RNF149: variants seen among roughly 807,000 people sequenced by gnomAD.
The protein encoded by RNF149 is ring finger protein 149, also known as E3 ubiquitin-protein ligase RNF149.
A neutral mutation model predicts 39.0 loss-of-function variants in RNF149; 21 were observed. The observed-to-expected ratio is 0.54, with a 90% confidence interval of 0.38 to 0.77. The LOEUF (loss-of-function observed/expected upper bound fraction) is 0.77. RNF149 is among the 30% of genes least tolerant of loss of function. RNF149 has a pLI of 0.00. For missense variants in RNF149, 493 were observed against 534.9 expected (o/e 0.92, Z 0.77); for synonymous variants, 209 against 213.6 (o/e 0.98, Z 0.19).
At chr2:101,300,643 G>A (rs1210393592) in intron 1 of RNF149, among the ~76,000 whole-genome samples, 1 of 152,170 alleles carries the variant, frequency 6.6e-6, no homozygotes, top group Non-Finnish European at 1.5e-5. Context: ...GCAAAACCCT[G>A]TCTCTATTAA....
Position 101,281,967 on chromosome 2 carries a change from C to T in RNF149, c.1051G>A (p.Asp351Asn), listed in dbSNP as rs1161101783. 13 of 1,613,950 alleles carry T rather than the reference C, an allele frequency of 8.1e-6. No individual in the cohort carries two copies. Among genetic ancestry groups the T allele is most frequent in the African/African-American group, 1.3e-5 (1 of 74,882 alleles). Reference sequence around the variant, plus strand: ...GGACTGCTGTCATCACTTCCGTCATCATCTGGTAAAGCTAGACTCAAATTT... The same window carrying T: ...GGACTGCTGTCATCACTTCCGTCATTATCTGGTAAAGCTAGACTCAAATTT... ...AANLSLALPD[D>N]DGSDDSSPPS... The change falls in exon 6 of 7, where the codon GAT (aspartate) becomes AAT (asparagine). Residue 351 changes from aspartate (D) to asparagine (N), a missense_variant. Asp to Asn is a conservative substitution (Grantham distance 23). Coordinates refer to ENST00000295317, the MANE Select transcript of RNF149 (RefSeq NM_173647.4).
At chr2:101,295,784 A>T (rs1016353351) in intron 1 of RNF149, among the ~76,000 whole-genome samples, 1 of 151,964 alleles carries the variant, frequency 6.6e-6, no homozygotes, top group Admixed American at 6.6e-5. Flanking sequence ...GTTCCACAGC[A>T]GATTAAAAAA....
rs1475033941 is a variant in RNF149 at position 101,276,682 on chromosome 2, A to T, written c.*556T>A. The T allele has an allele frequency of 3.0e-6, 3 of 985,664 alleles. No individual in the cohort carries two copies. Among genetic ancestry groups the T allele is most frequent in the Non-Finnish European group, 3.6e-6 (3 of 829,980 alleles). The allele number at this position is 985,664 out of a possible 1,614,324, so 61.1% of individuals were successfully genotyped here. ...GCCTTTCTCATAATTCTAAACAAAGAAAAAGTGCTCTCAGGTTTTGAAATC... is the reference window on the plus strand; with the variant it reads ...GCCTTTCTCATAATTCTAAACAAAGTAAAAGTGCTCTCAGGTTTTGAAATC... On this transcript the variant is annotated 3_prime_UTR_variant, in exon 7 of 7. Transcript: ENST00000295317.
chr2:101,282,657 C>T (rs1682635854), intron 5 of RNF149, among the ~76,000 whole-genome samples: 1 of 152,096 alleles, frequency 6.6e-6, no homozygotes. Flanking sequence ...ATTTGGGGGA[C>T]AGCTAGAAAC....
At chr2:101,294,429 AGGGGTAC>A (rs1683141643) in intron 2 of RNF149, 1 of 233,640 alleles carries the variant, frequency 4.3e-6, no homozygotes. Flanking sequence ...AGCTGAGGAT[AGGGGTAC>A]CACATGCTCA....
chr2:101,283,999 G>A (rs573630028), intron 5 of RNF149, among the ~76,000 whole-genome samples: 19 of 152,252 alleles, frequency 1.2e-4, no homozygotes, highest in Admixed American at 1.2e-3. Context: ...CAAGCTCCCT[G>A]TATGCTATTA....
intron 1 of RNF149, 63 bp downstream of exon 1, chr2:101,308,066 T>A (rs2104447259): frequency 6.4e-7 from 1 of 1,568,126 alleles, no homozygotes; most frequent in East Asian, 2.4e-5. Context: ...GGGCCAACCC[T>A]GAAGACCCCA....
chr2:101,298,780 G>A (rs920161034), intron 1 of RNF149, among the ~76,000 whole-genome samples: 3 of 152,172 alleles, frequency 2.0e-5, no homozygotes, highest in African/African-American at 4.8e-5. Context: ...GGGGAGAGGC[G>A]CTTCGGGATG....
intron 1 of RNF149, among the ~76,000 whole-genome samples, chr2:101,307,553 G>C (rs933614807): frequency 6.6e-6 from 1 of 152,152 alleles, no homozygotes; most frequent in African/African-American, 2.4e-5. Flanking sequence ...AATCTGACTG[G>C]CAGTACAGCC....
chr2:101,298,701 A>G lies in RNF149; in HGVS notation c.461-3520T>C, dbSNP rs572974592. 6.2e-4 allele frequency among the ~76,000 whole-genome samples: 94 copies of G among 152,186 alleles called. 1 individual carries two copies. Among genetic ancestry groups the G allele is most frequent in the South Asian group, 5.8e-3 (28 of 4,824 alleles). On this transcript the variant is annotated intron_variant, in intron 1 of 6. Transcript: ENST00000295317. ...AAAAACAACGAAAACCCAAAGACCT[A>G]TATGCTCCCATCAACACATACTACC...
chr2:101,296,885 CCAT>C (rs1683253956), intron 1 of RNF149, among the ~76,000 whole-genome samples: 1 of 151,968 alleles, frequency 6.6e-6, no homozygotes, highest in Non-Finnish European at 1.5e-5. Flanking sequence ...AAAATTTTCA[CCAT>C]GAGTAAAAGC....
intron 6 of RNF149, among the ~76,000 whole-genome samples, chr2:101,278,947 C>A (rs773594068): frequency 1.3e-5 from 2 of 152,190 alleles, no homozygotes; most frequent in Non-Finnish European, 2.9e-5. Context: ...GAGTAACTTC[C>A]ACATTCATTT....
chr2:101,305,381 C>T (rs1372716360), intron 1 of RNF149, among the ~76,000 whole-genome samples: 1 of 152,170 alleles, frequency 6.6e-6, no homozygotes, highest in Non-Finnish European at 1.5e-5. Flanking sequence ...TTCATTTCTG[C>T]AGTCACGACT....
intron 1 of RNF149, among the ~76,000 whole-genome samples, chr2:101,299,190 A>G (rs1287165912): frequency 6.6e-6 from 1 of 152,198 alleles, no homozygotes; most frequent in East Asian, 1.9e-4. Flanking sequence ...AAGGGTATAT[A>G]AAGAACGTTC....
chr2:101,282,740 T>C (rs963603400), intron 5 of RNF149, among the ~76,000 whole-genome samples: 1 of 152,156 alleles, frequency 6.6e-6, no homozygotes, highest in Non-Finnish European at 1.5e-5. Flanking sequence ...ACTTATTAGA[T>C]GAGGGGTTAC....
At position 101,295,170 on chromosome 2, in the gene RNF149, T is replaced by TG; in HGVS notation, c.471_472insC (p.Ile158HisfsTer7). The TG allele has an allele frequency of 6.2e-7, 1 of 1,613,274 alleles. No homozygotes were observed. Among genetic ancestry groups the TG allele is most frequent in the Non-Finnish European group, 8.5e-7 (1 of 1,179,236 alleles). On this transcript the variant is annotated frameshift_variant, in exon 2 of 7. Transcript: ENST00000295317. LOFTEE classifies it high-confidence loss of function. ...GGATAGCTAATCATAATGACCACTA[T>TG]ATTTCCTGTTCCTGTAGGAAAGAAC...
intron 6 of RNF149, among the ~76,000 whole-genome samples, chr2:101,279,249 G>GA (rs1682481546): frequency 6.6e-6 from 1 of 152,152 alleles, no homozygotes; most frequent in African/African-American, 2.4e-5. Flanking sequence ...TGCTGCTTTG[G>GA]AAACCTAGCT....
Position 101,308,265 on chromosome 2 carries a change from G to C in RNF149, c.324C>G (p.Pro108=), listed in dbSNP as rs752024198. 2.5e-6 allele frequency: 4 copies of C among 1,584,318 alleles called. No individual in the cohort carries two copies. Among genetic ancestry groups the C allele is most frequent in the Non-Finnish European group, 3.4e-6 (4 of 1,167,362 alleles). The change falls in exon 1 of 7, where the codon CCC becomes CCG. Residue 108 remains proline (P), a synonymous_variant. Coordinates refer to ENST00000295317, the MANE Select transcript of RNF149 (RefSeq NM_173647.4). ...CCCCACGAGCCACCAGGGCGACCCA[G>C]GGCGCGGCCCCTCGGCCGCCGGGCT... is the stretch of plus-strand genomic sequence containing the variant. The part of the protein sequence containing the change: ...VPEPGGRGAA[P]WVALVARGGC...
chr2:101,294,119 TTTAAA>T (rs1332286904), intron 2 of RNF149, 37 bp from the exon 3 acceptor site: 2 of 1,132,590 alleles, frequency 1.8e-6, no homozygotes, highest in Non-Finnish European at 2.6e-6. Flanking sequence ...TATTGAAAAA[TTTAAA>T]TTAAATCACT....
Sources: gnomAD v4.1 joint callset for allele counts (sites outside exome capture counted in the v4.1 genomes callset) on GRCh38, gnomAD v4.1.1 for gene constraint, MANE v1.5 for transcripts, NCBI Gene and HGNC (gene_info 2026-07-23, HGNC 2026-07-21) for gene names.